The following MAP3K5 variants were observed in gnomAD, a reference collection of about 807,000 sequenced individuals.
MAP3K5 encodes ASK-1.
A neutral mutation model predicts 158.7 loss-of-function variants in MAP3K5; 56 were observed. The ratio of observed to expected loss-of-function variants is 0.35; its 90% CI spans 0.28 to 0.44. MAP3K5 has a LOEUF of 0.44. MAP3K5 is among the 20% of genes least tolerant of loss of function. MAP3K5 has a pLI of 1.00. For missense variants in MAP3K5, 1,294 were observed against 1,674.8 expected, an observed-to-expected ratio of 0.77 and a Z score of 3.97; for synonymous variants, 579 against 601.7, an observed-to-expected ratio of 0.96 and a Z score of 0.55.
chr6:136,585,214 G>C (rs1775071935), intron 23 of MAP3K5, among the ~76,000 whole-genome samples: 1 of 150,296 alleles, frequency 6.7e-6, no homozygotes, highest in African/African-American at 2.4e-5. Flanking sequence ...CTGGGTTCTA[G>C]CTCTCTTCCC....
chr6:136,650,181 A>G (rs997430564), intron 11 of MAP3K5, among the ~76,000 whole-genome samples: 3 of 152,198 alleles, frequency 2.0e-5, no homozygotes, highest in African/African-American at 7.2e-5. Flanking sequence ...TAAGTGCTCA[A>G]TAAACATTTA....
chr6:136,644,993 A>G (rs1778178242), intron 11 of MAP3K5, among the ~76,000 whole-genome samples: 1 of 152,162 alleles, frequency 6.6e-6, no homozygotes, highest in Non-Finnish European at 1.5e-5. Context: ...TAGTGGGGTA[A>G]TCATAGCTCA....
At chr6:136,585,426 A>T (rs945249947) in intron 23 of MAP3K5, among the ~76,000 whole-genome samples, 1 of 151,028 alleles carries the variant, frequency 6.6e-6, no homozygotes, top group African/African-American at 2.4e-5. Flanking sequence ...CCTCAGATGG[A>T]ACTTTTCTCC....
At chr6:136,567,952 C>T (rs1473727472) in intron 25 of MAP3K5, 78 bp from the exon 26 acceptor site, 6 of 1,440,870 alleles carry the variant, frequency 4.2e-6, no homozygotes, top group Non-Finnish European at 5.7e-6. Flanking sequence ...GAATGCTACC[C>T]TCCTGCCCCA....
intron 24 of MAP3K5, among the ~76,000 whole-genome samples, chr6:136,582,251 CGTGTGTGTATACGTGTGT>C (rs1470522938): frequency 3.2e-4 from 46 of 144,930 alleles, no homozygotes; most frequent in African/African-American, 1.1e-3. Flanking sequence ...TATGTGTACA[CGTGTGTGTATACGTGTGT>C]GTGTGTGTGT....
intron 1 of MAP3K5, among the ~76,000 whole-genome samples, chr6:136,737,037 GTATA>G (rs56011325): frequency 7.1e-5 from 9 of 126,982 alleles, no homozygotes; most frequent in African/African-American, 2.6e-4. Context: ...ATATGTGTGT[GTATA>G]TATATATATA....
chr6:136,641,715 G>A (rs1327070432), intron 12 of MAP3K5, among the ~76,000 whole-genome samples: 2 of 151,266 alleles, frequency 1.3e-5, no homozygotes, highest in South Asian at 2.1e-4. Context: ...GGGGCCGGGC[G>A]GAGTGGCTCA....
chr6:136,721,086 G>T lies in MAP3K5; in HGVS notation c.449-497C>A, dbSNP rs541376374. Among the ~76,000 whole-genome samples the T allele has an allele frequency of 3.7e-4, 57 of 152,082 alleles. 1 individual carries two copies. In the South Asian group the frequency reaches 9.6e-3, roughly 26 times the overall value. Reference sequence around the variant, plus strand: ...GAGCCACCATGCCTGGCCCAAACCTGCATTTTTTTTAAAGAAGAAGGAGAT... The same window carrying T: ...GAGCCACCATGCCTGGCCCAAACCTTCATTTTTTTTAAAGAAGAAGGAGAT... On this transcript the variant is annotated intron_variant, in intron 1 of 29. Coordinates refer to ENST00000359015, the MANE Select transcript of MAP3K5 (RefSeq NM_005923.4).
At chr6:136,640,177 T>G (rs1285895675) in intron 12 of MAP3K5, among the ~76,000 whole-genome samples, 2 of 152,220 alleles carry the variant, frequency 1.3e-5, no homozygotes, top group Admixed American at 1.3e-4. Flanking sequence ...AGTTTTCAGT[T>G]GACCCACTAG....
chr6:136,700,016 G>A (rs1005683380), intron 3 of MAP3K5, among the ~76,000 whole-genome samples: 5 of 152,052 alleles, frequency 3.3e-5, no homozygotes, highest in Non-Finnish European at 4.4e-5. Flanking sequence ...ATCACTTGTA[G>A]TGAGCCGAGA....
chr6:136,735,765 G>C (rs1458652746), intron 1 of MAP3K5, among the ~76,000 whole-genome samples: 1 of 152,088 alleles, frequency 6.6e-6, no homozygotes, highest in Non-Finnish European at 1.5e-5. Context: ...GGAGTTCAAG[G>C]TTACAGTGAG....
chr6:136,601,324 C>T (rs1341092789), intron 20 of MAP3K5, among the ~76,000 whole-genome samples: 2 of 151,710 alleles, frequency 1.3e-5, no homozygotes, highest in East Asian at 1.9e-4. Flanking sequence ...TTTCTTTTTC[C>T]TTCTTGCCTT....
chr6:136,636,861 G>A, intron 14 of MAP3K5: 3 of 988,202 alleles, frequency 3.0e-6, no homozygotes, highest in Non-Finnish European at 2.4e-6. Context: ...GATTCCAGTT[G>A]AGAGGAACAA....
At chr6:136,735,009 C>G (rs1451311710) in intron 1 of MAP3K5, among the ~76,000 whole-genome samples, 2 of 152,208 alleles carry the variant, frequency 1.3e-5, no homozygotes, top group African/African-American at 4.8e-5. Context: ...TCCTATACCT[C>G]TACAACCTCT....
chr6:136,707,721 G>GT (rs907929837), intron 2 of MAP3K5, among the ~76,000 whole-genome samples: 8 of 152,332 alleles, frequency 5.3e-5, no homozygotes, highest in Admixed American at 3.9e-4. Context: ...CAGTCAACGT[G>GT]TTTTTTAAGG....
At chr6:136,734,300 A>G (rs1264657023) in intron 1 of MAP3K5, among the ~76,000 whole-genome samples, 2 of 151,710 alleles carry the variant, frequency 1.3e-5, no homozygotes, top group Non-Finnish European at 2.9e-5. Context: ...CACACCTGTA[A>G]TCCCAGCTAC....
chr6:136,741,086 T>C lies in MAP3K5; in HGVS notation c.449-20497A>G, dbSNP rs527360496. Among the ~76,000 whole-genome samples, 3 of 152,304 alleles carry C rather than the reference T, an allele frequency of 2.0e-5. No individual in the cohort carries two copies. In the East Asian group the frequency reaches 5.8e-4, roughly 29 times the overall value. ...TGGTTGTCGATATAGACCATGACAGTAGCAATGTGAGCCTCTTAACTAAAT... is the reference window on the plus strand; with the variant it reads ...TGGTTGTCGATATAGACCATGACAGCAGCAATGTGAGCCTCTTAACTAAAT... On this transcript the variant is annotated intron_variant, in intron 1 of 29. Coordinates refer to ENST00000359015, the MANE Select transcript of MAP3K5 (RefSeq NM_005923.4).
chr6:136,635,945 C>T (rs1204443275), intron 14 of MAP3K5, among the ~76,000 whole-genome samples: 1 of 151,990 alleles, frequency 6.6e-6, no homozygotes, highest in African/African-American at 2.4e-5. Context: ...CTTACTAATT[C>T]AGTGTTTCTA....
chr6:136,680,689 T>G (rs189173960), intron 7 of MAP3K5, among the ~76,000 whole-genome samples: 1 of 152,218 alleles, frequency 6.6e-6, no homozygotes, highest in African/African-American at 2.4e-5. Flanking sequence ...TAAATTATTC[T>G]CATCTCTTCT....
Sources: allele counts gnomAD v4.1 joint callset (sites outside exome capture counted in the v4.1 genomes callset), GRCh38; gene constraint gnomAD v4.1.1; transcripts MANE v1.5; gene names NCBI Gene and HGNC (gene_info 2026-07-23, HGNC 2026-07-21).